SGSM1: variants seen among roughly 807,000 people sequenced by gnomAD.
SGSM1 encodes small G protein signaling modulator 1, also known as RUN and TBC1 domain containing 2.
A neutral mutation model predicts 133.8 loss-of-function variants in SGSM1; 73 were observed. That is an observed-to-expected ratio of 0.55 (90% CI 0.45 to 0.66). SGSM1 has a LOEUF of 0.66. SGSM1 is among the 30% of genes least tolerant of loss of function. SGSM1 has a pLI of 0.00. For synonymous variants in SGSM1, 563 were observed against 573.0 expected, an observed-to-expected ratio of 0.98 and a Z score of 0.25; for missense variants, 1,213 against 1,448.1, an observed-to-expected ratio of 0.84 and a Z score of 2.64.
Position 24,918,888 on chromosome 22 carries a change from G to A in SGSM1, c.3026-938G>A, listed in dbSNP as rs540257347. On this transcript the variant is annotated intron_variant, in intron 23 of 24. Coordinates refer to ENST00000400358, the MANE Select transcript of SGSM1 (RefSeq NM_001098497.3). The stretch of plus-strand genomic sequence containing the variant: ...CTGGGAGCTGGGATTACAGGCACCC[G>A]CCTCCATACCTGGCTAATTATTTTG... 2.2e-4 allele frequency among the ~76,000 whole-genome samples: 34 copies of A among 151,744 alleles called. 1 individual carries two copies. Among genetic ancestry groups the A allele is most frequent in the East Asian group, 2.1e-3 (11 of 5,126 alleles).
At chr22:24,896,458 G>A (rs1322692867) in intron 18 of SGSM1, among the ~76,000 whole-genome samples, 1 of 152,018 alleles carries the variant, frequency 6.6e-6, no homozygotes, top group Non-Finnish European at 1.5e-5. Context: ...CTTTAACTGT[G>A]TACCCTTGAT....
intron 21 of SGSM1, 54 bp from the exon 22 acceptor site, chr22:24,912,589 G>T: frequency 8.3e-7 from 1 of 1,205,360 alleles, no homozygotes; most frequent in South Asian, 1.3e-5. Context: ...ACAAACATCT[G>T]AACCATATCA....
intron 9 of SGSM1, 46 bp downstream of exon 9, chr22:24,859,886 C>T (rs746281383): frequency 6.2e-7 from 1 of 1,608,732 alleles, no homozygotes; most frequent in Non-Finnish European, 8.5e-7. Flanking sequence ...CCTCCACTCG[C>T]CTTGGCACAA....
chr22:24,921,702 T>TC (rs913408891), intron 24 of SGSM1, among the ~76,000 whole-genome samples: 10 of 140,760 alleles, frequency 7.1e-5, no homozygotes, highest in Non-Finnish European at 1.4e-4. Flanking sequence ...TACATATGTA[T>TC]CTTTTTTTTT....
At chr22:24,887,045 A>T (rs544092180) in intron 16 of SGSM1, among the ~76,000 whole-genome samples, 2 of 152,006 alleles carry the variant, frequency 1.3e-5, no homozygotes, top group Non-Finnish European at 2.9e-5. Context: ...TCGGAACCAG[A>T]AGATTGACAT....
Position 24,898,082 on chromosome 22 carries a change from C to T in SGSM1, c.2133C>T (p.Asp711=). The change falls in exon 19 of 25, where the codon GAC becomes GAT. Residue 711 remains aspartate (D), a synonymous_variant. Transcript: ENST00000400358. ...TAGTGAACGGCACTTGTTCCCCAGA[C>T]TCGGGTCATCCTTCCTCCCATAACT... is the stretch of plus-strand genomic sequence containing the variant. ...GNLVNGTCSP[D]SGHPSSHNFS... 1 of 1,613,994 alleles carries T rather than the reference C, an allele frequency of 6.2e-7. No homozygotes were observed. Among genetic ancestry groups the T allele is most frequent in the Non-Finnish European group, 8.5e-7 (1 of 1,179,888 alleles).
At chr22:24,878,571 G>A (rs556437363) in intron 13 of SGSM1, among the ~76,000 whole-genome samples, 2 of 152,102 alleles carry the variant, frequency 1.3e-5, no homozygotes, top group Non-Finnish European at 2.9e-5. Context: ...GATGTCTCCT[G>A]GGATGTCCTG....
chr22:24,870,769 T>C (rs751254600), intron 12 of SGSM1, among the ~76,000 whole-genome samples: 2 of 152,174 alleles, frequency 1.3e-5, no homozygotes, highest in Admixed American at 6.5e-5. Context: ...TTATGGCTGA[T>C]AGGAGTTAGT....
chr22:24,820,882 G>A (rs1267157444), intron 2 of SGSM1, among the ~76,000 whole-genome samples: 1 of 152,218 alleles, frequency 6.6e-6, no homozygotes, highest in African/African-American at 2.4e-5. Flanking sequence ...GAAGAAATGC[G>A]ATGAATTCAG....
At chr22:24,838,290 G>T (rs565387401) in intron 2 of SGSM1, among the ~76,000 whole-genome samples, 1 of 152,226 alleles carries the variant, frequency 6.6e-6, no homozygotes, top group Non-Finnish European at 1.5e-5. Context: ...AGGAAGAAGG[G>T]TTTAATTGGG....
At chr22:24,917,906 T>G (rs567535116) in intron 23 of SGSM1, among the ~76,000 whole-genome samples, 152 bp downstream of exon 23, 107 of 152,300 alleles carry the variant, frequency 7.0e-4, no homozygotes, top group African/African-American at 2.6e-3. Flanking sequence ...CCGTTTCACC[T>G]GCCTTATCTT....
At chr22:24,902,228 C>T (rs984735940) in intron 20 of SGSM1, among the ~76,000 whole-genome samples, 8 of 152,152 alleles carry the variant, frequency 5.3e-5, no homozygotes, top group South Asian at 4.1e-4. Flanking sequence ...TTATAGGTGA[C>T]GATGTGGAGG....
At chr22:24,809,625 C>T (rs1927615983) in intron 2 of SGSM1, among the ~76,000 whole-genome samples, 1 of 152,174 alleles carries the variant, frequency 6.6e-6, no homozygotes, top group African/African-American at 2.4e-5. Flanking sequence ...GAGCTGGATT[C>T]CAACCCCAGA....
chr22:24,879,326 TAGC>T, intron 13 of SGSM1, 133 bp from the exon 14 acceptor site: 4 of 739,036 alleles, frequency 5.4e-6, no homozygotes, highest in East Asian at 2.7e-5. Flanking sequence ...GTAGAGGTAA[TAGC>T]AGCCCTCCCT....
intron 2 of SGSM1, among the ~76,000 whole-genome samples, chr22:24,817,612 A>G (rs1928177773): frequency 6.6e-6 from 1 of 152,122 alleles, no homozygotes; most frequent in Admixed American, 6.6e-5. Flanking sequence ...CAGCCTCCCC[A>G]AGTGCTGGGA....
intron 16 of SGSM1, among the ~76,000 whole-genome samples, chr22:24,888,633 G>A (rs1458055088): frequency 1.3e-5 from 2 of 152,068 alleles, no homozygotes; most frequent in Non-Finnish European, 2.9e-5. Flanking sequence ...ACAAAAATCA[G>A]CTGGGCATGG....
intron 22 of SGSM1, among the ~76,000 whole-genome samples, chr22:24,915,102 G>A (rs544257399): frequency 1.3e-5 from 2 of 152,282 alleles, no homozygotes; most frequent in African/African-American, 4.8e-5. Flanking sequence ...GGTGGCGGGC[G>A]CCTGTAGTCC....
chr22:24,839,011 T>C (rs1341716913), intron 2 of SGSM1, among the ~76,000 whole-genome samples: 2 of 151,636 alleles, frequency 1.3e-5, no homozygotes, highest in Non-Finnish European at 2.9e-5. Context: ...ATTTTAGGAG[T>C]ATGAAGTCTT....
chr22:24,862,757 C>T (rs569366254), intron 9 of SGSM1, among the ~76,000 whole-genome samples: 2 of 152,174 alleles, frequency 1.3e-5, no homozygotes, highest in Admixed American at 6.5e-5. Flanking sequence ...GATGGACATA[C>T]GCTATGGAAC....
Sources: allele counts gnomAD v4.1 joint callset (sites outside exome capture counted in the v4.1 genomes callset), GRCh38; gene constraint gnomAD v4.1.1; transcripts MANE v1.5; gene names NCBI Gene and HGNC (gene_info 2026-07-23, HGNC 2026-07-21).